The following TRIM44 variants were observed in gnomAD, a reference collection of about 807,000 sequenced individuals.
The protein encoded by TRIM44 is tripartite motif-containing protein 44.
TRIM44 carries 13 observed loss-of-function variants against 37.4 expected under a neutral mutation model. The observed-to-expected ratio is 0.35, with a 90% CI of 0.23 to 0.55. The LOEUF is 0.55. Ranked by LOEUF, TRIM44 falls within the 20% of genes least tolerant of loss-of-function variation. The pLI, the probability that TRIM44 is intolerant of heterozygous loss-of-function variation, is 0.89. For missense variants in TRIM44, 426 were observed against 437.2 expected (o/e 0.97, Z 0.23); for synonymous variants, 175 against 157.2 (o/e 1.11, Z -0.85).
intron 2 of TRIM44, among the ~76,000 whole-genome samples, chr11:35,716,013 A>G (rs535474723): frequency 1.3e-5 from 2 of 152,306 alleles, no homozygotes; most frequent in East Asian, 1.9e-4. Context: ...GTGGATTACA[A>G]TTGAATGTGA....
rs548849173 is a variant in TRIM44, at chr11:35,815,439, T to G, written c.*9054T>G. ...ATAGTAGGGCAATAGGGAGTGTCAG[T>G]AGGGTAGTTTCAGGTGGGGAGGATG... On this transcript the variant is annotated 3_prime_UTR_variant, in exon 5 of 5. Coordinates refer to ENST00000299413, the MANE Select transcript of TRIM44 (RefSeq NM_017583.6). The G allele has an allele frequency of 6.6e-6, 1 of 152,234 alleles. No individual in the cohort carries two copies. The highest frequency in any genetic ancestry group is 2.1e-4 in the South Asian group (1 of 4,820). 9.4% of individuals were successfully genotyped at this position (152,234 alleles called of 1,614,324 possible).
intron 4 of TRIM44, among the ~76,000 whole-genome samples, chr11:35,773,386 C>A (rs532315711): frequency 6.6e-6 from 1 of 151,970 alleles, no homozygotes; most frequent in African/African-American, 2.4e-5. Context: ...AGATGTTAGA[C>A]CTTTGTCAGA....
At chr11:35,803,653 G>A (rs960903195) in intron 4 of TRIM44, among the ~76,000 whole-genome samples, 6 of 152,118 alleles carry the variant, frequency 3.9e-5, no homozygotes, top group African/African-American at 1.2e-4. Context: ...CCCGGGAGGC[G>A]GAGATTACAG....
chr11:35,744,093 T>C (rs566357486), intron 4 of TRIM44, among the ~76,000 whole-genome samples: 6 of 152,250 alleles, frequency 3.9e-5, no homozygotes, highest in Admixed American at 3.9e-4. Flanking sequence ...TGGAGGTGTT[T>C]GTTCAATGGA....
At chr11:35,761,405 C>CTCTCTA (rs1554935237) in intron 4 of TRIM44, among the ~76,000 whole-genome samples, 68 of 150,376 alleles carry the variant, frequency 4.5e-4, no homozygotes, top group African/African-American at 9.5e-4. Flanking sequence ...CTCTCTCTCT[C>CTCTCTA]TATATATATA....
chr11:35,735,461 T>C lies in TRIM44; in HGVS notation c.1007+16T>C. 2 of 1,613,526 alleles carry C rather than the reference T, an allele frequency of 1.2e-6. No homozygotes were observed. The highest frequency in any genetic ancestry group is 2.2e-5 in the South Asian group (2 of 91,048). ...AAGGACCCAGGTAAGATCACATTGT[T>C]GCTTGTCTTTTCTCATAATTGAAGT... is the stretch of plus-strand genomic sequence containing the variant. On this transcript the variant is annotated intron_variant, in intron 4 of 4. Coordinates refer to ENST00000299413, the MANE Select transcript of TRIM44 (RefSeq NM_017583.6).
intron 4 of TRIM44, among the ~76,000 whole-genome samples, chr11:35,745,904 A>G (rs1378389609): frequency 6.6e-6 from 1 of 152,150 alleles, no homozygotes; most frequent in African/African-American, 2.4e-5. Context: ...CGGACTGGGA[A>G]TCCCCCCGCC....
chr11:35,706,242 A>G (rs1851879328), intron 2 of TRIM44, among the ~76,000 whole-genome samples: 1 of 149,518 alleles, frequency 6.7e-6, no homozygotes, highest in Admixed American at 6.7e-5. Flanking sequence ...TAGACCAATA[A>G]CAGGCTCTGA....
chr11:35,761,183 T>G (rs969121561), intron 4 of TRIM44, among the ~76,000 whole-genome samples: 5 of 152,252 alleles, frequency 3.3e-5, no homozygotes, highest in Non-Finnish European at 7.3e-5. Flanking sequence ...TTTTATTTAT[T>G]CATTCATCCA....
chr11:35,670,648 T>C (rs913910078), intron 1 of TRIM44, among the ~76,000 whole-genome samples: 3 of 152,236 alleles, frequency 2.0e-5, no homozygotes, highest in African/African-American at 7.2e-5. Context: ...TAATTTAAGA[T>C]ACCGTGTTTT....
At chr11:35,713,185 A>T (rs1213163343) in intron 2 of TRIM44, among the ~76,000 whole-genome samples, 1 of 152,222 alleles carries the variant, frequency 6.6e-6, no homozygotes, top group Admixed American at 6.5e-5. Flanking sequence ...CAACCCAGTG[A>T]TTCAGCTGAT....
In TRIM44 at chr11:35,663,445, G is replaced by A. The variant is rs1304725637; in HGVS notation, c.334G>A (p.Glu112Lys). The change falls in exon 1 of 5, where the codon GAG becomes AAG. Residue 112 changes from glutamate to lysine, a missense_variant. Glu to Lys is a moderately conservative substitution (Grantham distance 56). Transcript: ENST00000299413. The stretch of plus-strand genomic sequence containing the variant: ...AGAGAGCGAGTCAGAGGAAGAGAGC[G>A]AGACAGAGGAAGAGAGTGAGGATGA... ...EEESESEEES[E>K]TEEESEDESD... 1.3e-6 allele frequency: 2 copies of A among 1,566,468 alleles called. No individual in the cohort carries two copies. The highest frequency in any genetic ancestry group is 1.7e-6 in the Non-Finnish European group (2 of 1,155,114).
intron 2 of TRIM44, among the ~76,000 whole-genome samples, chr11:35,711,178 G>T (rs1851966297): frequency 1.3e-5 from 2 of 152,272 alleles, no homozygotes; most frequent in East Asian, 3.9e-4. Flanking sequence ...CTTTAAATGG[G>T]TAAATTGTAA....
rs562855502 is a variant in TRIM44 at position 35,730,278 on chromosome 11, A to T, written c.987+4115A>T. On this transcript the variant is annotated intron_variant, in intron 3 of 4. Transcript: ENST00000299413. ...AAAGATTTGGTGAATTTGAAGATAG[A>T]TTGATACTGATCCAATCTAAACAGC... Among the ~76,000 whole-genome samples, 6 of 152,350 alleles carry T rather than the reference A, an allele frequency of 3.9e-5. No individual in the cohort carries two copies. The South Asian group carries it at 1.2e-3, about 32-fold the overall frequency.
chr11:35,683,988 A>G (rs1411657012), intron 1 of TRIM44, among the ~76,000 whole-genome samples: 1 of 152,138 alleles, frequency 6.6e-6, no homozygotes, highest in Non-Finnish European at 1.5e-5. Flanking sequence ...GACATACATT[A>G]ACTAATTTAA....
At position 35,810,925 on chromosome 11, in the gene TRIM44, G is replaced by A. The variant is rs1853521056; in HGVS notation, c.*4540G>A. The A allele has an allele frequency of 6.6e-6, 1 of 152,122 alleles. No individual in the cohort carries two copies. Among genetic ancestry groups the A allele is most frequent in the African/African-American group, 2.4e-5 (1 of 41,426 alleles). 9.4% of individuals were successfully genotyped at this position (152,122 alleles called of 1,614,324 possible). ...TCTTTCAAGGGAATTACACGTTTGG[G>A]TTAATGTTTCAGTATATCATTTTCA... is the stretch of plus-strand genomic sequence containing the variant. On this transcript the variant is annotated 3_prime_UTR_variant, in exon 5 of 5. Transcript: ENST00000299413.
rs1853528848 is a variant in TRIM44 at position 35,811,659 on chromosome 11, T to C, written c.*5274T>C. 1 of 152,198 alleles carries C rather than the reference T, an allele frequency of 6.6e-6. No individual in the cohort carries two copies. Among genetic ancestry groups the C allele is most frequent in the Non-Finnish European group, 1.5e-5 (1 of 68,038 alleles). 9.4% of individuals were successfully genotyped at this position (152,198 alleles called of 1,614,324 possible). ...TGTGAAGACTCAAGATGGTAGATAC[T>C]GTGTGAATTAGAAAATACCAAGCCC... On this transcript the variant is annotated 3_prime_UTR_variant, in exon 5 of 5. Transcript: ENST00000299413.
At chr11:35,696,740 G>A (rs1181668571) in intron 2 of TRIM44, among the ~76,000 whole-genome samples, 5 of 151,644 alleles carry the variant, frequency 3.3e-5, no homozygotes, top group African/African-American at 4.8e-5. Flanking sequence ...CCAGCTGCTT[G>A]GGAGGCTGAG....
At position 35,780,843 on chromosome 11, in the gene TRIM44, T is replaced by C. The variant is rs1008447893; in HGVS notation, c.1008-25515T>C. 2.6e-5 allele frequency among the ~76,000 whole-genome samples: 4 copies of C among 151,078 alleles called. No homozygotes were observed. In the East Asian group the frequency reaches 5.9e-4, roughly 22 times the overall value. ...GTGAACACATGCTGCCTTCTTTCTT[T>C]TTATTCATTTTCAACTCTATTTATT... On this transcript the variant is annotated intron_variant, in intron 4 of 4. Transcript: ENST00000299413.
Sources: gnomAD v4.1 joint callset for allele counts (sites outside exome capture counted in the v4.1 genomes callset) on GRCh38, gnomAD v4.1.1 for gene constraint, MANE v1.5 for transcripts, NCBI Gene and HGNC (gene_info 2026-07-23, HGNC 2026-07-21) for gene names.